The following CD33 variants were observed in gnomAD, a reference collection of about 807,000 sequenced individuals.
CD33 encodes CD33 molecule.
In CD33, 25 loss-of-function variants were observed where a neutral mutation model predicts 31.4. That is an observed-to-expected ratio of 0.80 (90% CI 0.58 to 1.11). CD33 has a LOEUF of 1.11. CD33 is among the 50% of genes most tolerant of loss of function. The probability of loss-of-function intolerance (pLI) is 0.00; values close to 1 mark genes in which losing one functional copy is unlikely to be tolerated. For missense variants in CD33, 407 were observed against 448.1 expected (o/e 0.91, Z 0.83); for synonymous variants, 176 against 180.6 (o/e 0.97, Z 0.20).
Position 51,225,146 on chromosome 19 carries a change from C to T in CD33, c.28C>T (p.Leu10=), listed in dbSNP as rs117255828. 34,251 of 1,614,006 alleles carry T rather than the reference C, an allele frequency of 0.021. 424 individuals carry two copies. Among genetic ancestry groups the T allele is most frequent in the African/African-American group, 0.036 (2,737 of 75,044 alleles). MPLLLLLPL[L]WAGALAMDPN... ...GCCGCTGCTGCTACTGCTGCCCCTG[C>T]TGTGGGCAGGTGAGTGGCTGTGGGG... The change falls in exon 1 of 7, where the codon CTG becomes TTG. Residue 10 remains leucine, a synonymous_variant. Coordinates refer to ENST00000262262, the MANE Select transcript of CD33 (RefSeq NM_001772.4).
At chr19:51,236,362 A>G in intron 6 of CD33, 1 of 173,422 alleles carries the variant, frequency 5.8e-6, no homozygotes, top group South Asian at 1.3e-4. Context: ...TTGGCTACTT[A>G]GAACAATTTC....
chr19:51,227,318 T>C (rs1186184536), intron 4 of CD33, among the ~76,000 whole-genome samples: 1 of 152,224 alleles, frequency 6.6e-6, no homozygotes, highest in Non-Finnish European at 1.5e-5. Flanking sequence ...GTGGTTATAC[T>C]AGTTTACATT....
At chr19:51,234,278 C>T (rs1359814841) in intron 4 of CD33, among the ~76,000 whole-genome samples, 2 of 152,184 alleles carry the variant, frequency 1.3e-5, no homozygotes, top group Non-Finnish European at 2.9e-5. Flanking sequence ...ACTACATTGA[C>T]ATATCATTGT....
upstream of CD33, among the ~76,000 whole-genome samples, chr19:51,220,877 C>A (rs900161129): frequency 6.6e-6 from 1 of 152,048 alleles, no homozygotes; most frequent in Non-Finnish European, 1.5e-5. Context: ...GTCTATTATA[C>A]CATAAAAGAC....
At chr19:51,226,182 G>A (rs1214941299) in intron 3 of CD33, 101 bp downstream of exon 3, 22 of 1,532,014 alleles carry the variant, frequency 1.4e-5, no homozygotes, top group Admixed American at 1.7e-5. Context: ...GGCTGAGTTC[G>A]GGAGCCAGAA....
intron 4 of CD33, among the ~76,000 whole-genome samples, chr19:51,233,489 T>C (rs935883077): frequency 1.3e-5 from 2 of 152,176 alleles, no homozygotes; most frequent in Non-Finnish European, 2.9e-5. Context: ...AGATGCACAA[T>C]GATAAAGAGG....
At chr19:51,214,469 T>C in the CD33 span, among the ~76,000 whole-genome samples, 1 of 152,212 alleles carries the variant, frequency 6.6e-6, no homozygotes, top group Non-Finnish European at 1.5e-5. Flanking sequence ...GTGCTGGGAT[T>C]ACAGGCGTGA....
intron 4 of CD33, among the ~76,000 whole-genome samples, chr19:51,227,472 G>A (rs1382128651): frequency 6.6e-6 from 1 of 152,168 alleles, no homozygotes; most frequent in Non-Finnish European, 1.5e-5. Flanking sequence ...GGTGATTGGT[G>A]ACGTTGAGCA....
Sources: allele counts gnomAD v4.1 joint callset (sites outside exome capture counted in the v4.1 genomes callset), GRCh38; gene constraint gnomAD v4.1.1; transcripts MANE v1.5; gene names NCBI Gene and HGNC (gene_info 2026-07-23, HGNC 2026-07-21).